The following LDHAL6A variants were observed in gnomAD, a reference collection of about 807,000 sequenced individuals.
LDHAL6A encodes L-lactate dehydrogenase A-like 6A.
In LDHAL6A, 19 loss-of-function variants were observed where a neutral mutation model predicts 28.2. That is an observed-to-expected ratio of 0.67 (90% CI 0.47 to 0.99). The LOEUF is 0.99. Ranked by LOEUF, LDHAL6A falls within the 50% of genes least tolerant of loss-of-function variation. The pLI, the probability that LDHAL6A is intolerant of heterozygous loss-of-function variation, is 0.00. For synonymous variants in LDHAL6A, 144 were observed against 134.4 expected, an observed-to-expected ratio of 1.07 and a Z score of -0.49; for missense variants, 372 against 398.6, an observed-to-expected ratio of 0.93 and a Z score of 0.57.
chr11:18,458,797 G>A (rs901307784), intron 1 of LDHAL6A, among the ~76,000 whole-genome samples: 1 of 152,144 alleles, frequency 6.6e-6, no homozygotes, highest in Non-Finnish European at 1.5e-5. Flanking sequence ...TTCTTTTAGT[G>A]TTGTATCTGG....
chr11:18,472,917 T>C (rs532040150), intron 3 of LDHAL6A, among the ~76,000 whole-genome samples: 18 of 152,318 alleles, frequency 1.2e-4, no homozygotes, highest in Middle Eastern at 3.4e-3. Context: ...TTACCTGTTT[T>C]TCCCCAAATA....
chr11:18,471,151 T>TTA (rs2038517732), intron 3 of LDHAL6A, among the ~76,000 whole-genome samples: 1 of 152,114 alleles, frequency 6.6e-6, no homozygotes, highest in South Asian at 2.1e-4. Flanking sequence ...TTAATTTATC[T>TTA]TACCTAAGTG....
intron 5 of LDHAL6A, among the ~76,000 whole-genome samples, chr11:18,477,372 T>C (rs537744270): frequency 9.1e-4 from 138 of 151,990 alleles, no homozygotes; most frequent in Middle Eastern, 6.8e-3. Flanking sequence ...GGAGGGAAGA[T>C]TGCTTAAACC....
chr11:18,464,210 T>A, intron 2 of LDHAL6A, 132 bp downstream of exon 2: 1 of 605,174 alleles, frequency 1.7e-6, no homozygotes, highest in South Asian at 2.0e-5. Context: ...TGTACTCTCA[T>A]AACGTGTTCA....
intron 3 of LDHAL6A, among the ~76,000 whole-genome samples, chr11:18,474,515 T>C (rs1359104487): frequency 6.6e-6 from 1 of 152,148 alleles, no homozygotes; most frequent in Admixed American, 6.6e-5. Flanking sequence ...GTCTCCCAAA[T>C]AGCTGGGACT....
intron 1 of LDHAL6A, among the ~76,000 whole-genome samples, chr11:18,460,590 G>A (rs1395060014): frequency 7.5e-5 from 9 of 120,778 alleles, no homozygotes; most frequent in African/African-American, 3.2e-4. Flanking sequence ...CAGAAACTCC[G>A]TCTCAAAAAA....
chr11:18,471,907 G>A (rs1302511953), intron 3 of LDHAL6A, among the ~76,000 whole-genome samples: 1 of 145,832 alleles, frequency 6.9e-6, no homozygotes. Context: ...CTATTTACAT[G>A]AACTAAATGA....
intron 1 of LDHAL6A, among the ~76,000 whole-genome samples, chr11:18,462,478 A>T (rs912147402): frequency 6.6e-6 from 1 of 151,764 alleles, no homozygotes; most frequent in African/African-American, 2.4e-5. Flanking sequence ...TCTACTAAAA[A>T]TACAAAAAAT....
intron 4 of LDHAL6A, among the ~76,000 whole-genome samples, chr11:18,475,993 T>C (rs1206666915): frequency 3.7e-5 from 1 of 26,804 alleles, no homozygotes; most frequent in African/African-American, 7.5e-5. Flanking sequence ...AAGGGATGGG[T>C]ATAACTGAAG....
At chr11:18,461,417 A>G (rs1404401795) in intron 1 of LDHAL6A, among the ~76,000 whole-genome samples, 2 of 152,120 alleles carry the variant, frequency 1.3e-5, no homozygotes, top group Non-Finnish European at 2.9e-5. Flanking sequence ...TGCTGGGATT[A>G]TAGGCGTGAG....
intron 3 of LDHAL6A, among the ~76,000 whole-genome samples, chr11:18,466,432 T>G (rs1007110773): frequency 6.6e-6 from 1 of 151,972 alleles, no homozygotes; most frequent in Non-Finnish European, 1.5e-5. Context: ...GTGGGTGAAG[T>G]GCTTGAATCC....
At chr11:18,461,729 G>A (rs1401781185) in intron 1 of LDHAL6A, among the ~76,000 whole-genome samples, 1 of 150,964 alleles carries the variant, frequency 6.6e-6, no homozygotes, top group Non-Finnish European at 1.5e-5. Context: ...GCAGGCGCCT[G>A]TAATCCCAGC....
chr11:18,461,525 A>G (rs1164870764), intron 1 of LDHAL6A, among the ~76,000 whole-genome samples: 1 of 152,182 alleles, frequency 6.6e-6, no homozygotes, highest in African/African-American at 2.4e-5. Context: ...AGATAAAAAG[A>G]ATATGTAGTT....
Position 18,456,793 on chromosome 11 carries a change from G to C in LDHAL6A, c.113G>C (p.Ser38Thr), listed in dbSNP as rs774892870. Residue 38 changes from serine to threonine, a missense_variant, in exon 1 of 7, where the codon AGC (serine) becomes ACC (threonine). Around this residue, in one of 3 missense-constraint regions of LDHAL6A, gnomAD observed 77 missense variants for 77.9 expected, o/e 0.99. Coordinates refer to ENST00000280706, the MANE Select transcript of LDHAL6A (RefSeq NM_144972.5). ...TGSVGVACAISILLKGLSDEL... is the reference protein window; with the variant it reads ...TGSVGVACAITILLKGLSDEL... ...TCGGTTGGTGTGGCTTGTGCTATCA[G>C]CATCTTATTAAAAGTAAGTTGTGTG... 6.2e-7 allele frequency: 1 copy of C among 1,612,278 alleles called. No homozygotes were observed. The highest frequency in any genetic ancestry group is 8.5e-7 in the Non-Finnish European group (1 of 1,179,600).
chr11:18,475,581 T>C lies in LDHAL6A; in HGVS notation c.534T>C (p.Leu178=). 6.2e-7 allele frequency: 1 copy of C among 1,614,190 alleles called. No individual in the cohort carries two copies. Among genetic ancestry groups the C allele is most frequent in the South Asian group, 1.1e-5 (1 of 91,082 alleles). The change falls in exon 4 of 7, where the codon CTT becomes CTC. Residue 178 remains leucine (L), a synonymous_variant. Coordinates refer to ENST00000280706, the MANE Select transcript of LDHAL6A (RefSeq NM_144972.5). Reference sequence around the variant, plus strand: ...TTCGTTACTTTATTGGGCAAAGGCTTGGCATCCACTCTGAAAGCTGTCATG... The same window carrying C: ...TTCGTTACTTTATTGGGCAAAGGCTCGGCATCCACTCTGAAAGCTGTCATG... ...ARFRYFIGQR[L]GIHSESCHGL... is the part of the protein sequence containing the mutation.
chr11:18,476,444 T>A lies in LDHAL6A; in HGVS notation c.653T>A (p.Ile218Lys), dbSNP rs202093514. ...GVPLKDLNPD[I>K]GTDKDPEQWE... ...CCTCTGAAGGATCTGAACCCAGATA[T>A]AGGAACTGATAAAGATCCTGAGCAG... Residue 218 changes from isoleucine to lysine, a missense_variant, in exon 5 of 7, where the codon ATA becomes AAA. Physicochemically the swap from Ile to Lys is moderately radical, Grantham distance 102. Transcript: ENST00000280706. 8.7e-6 allele frequency: 14 copies of A among 1,614,008 alleles called. No individual in the cohort carries two copies. The highest frequency in any genetic ancestry group is 2.2e-5 in the South Asian group (2 of 91,084).
At chr11:18,462,521 CA>C (rs1848943455) in intron 1 of LDHAL6A, among the ~76,000 whole-genome samples, 1 of 151,850 alleles carries the variant, frequency 6.6e-6, no homozygotes, top group Non-Finnish European at 1.5e-5. Flanking sequence ...CCTGTAGTCC[CA>C]GCTACTCGGG....
Position 18,463,899 on chromosome 11 carries a change from C to T in LDHAL6A, c.127-62C>T. On this transcript the variant is annotated intron_variant, in intron 1 of 6. Transcript: ENST00000280706. ...CATAGATCACCAATATAAGAATTTT[C>T]TTTCATTCTCCAGTTAATCAAGAGA... 5.8e-6 allele frequency: 6 copies of T among 1,030,532 alleles called. No homozygotes were observed. In the South Asian group the frequency reaches 7.8e-5, roughly 13 times the overall value. The allele number at this position is 1,030,532 out of a possible 1,614,324, so 63.8% of individuals were successfully genotyped here. A position where few individuals can be genotyped will look rare whatever the true frequency, so the allele number is the denominator to read the frequency against.
At chr11:18,466,259 A>G (rs751657458) in intron 3 of LDHAL6A, among the ~76,000 whole-genome samples, 15 of 146,690 alleles carry the variant, frequency 1.0e-4, no homozygotes, top group Non-Finnish European at 1.9e-4. Flanking sequence ...TGAATATTAA[A>G]TCGTAAACCA....
Sources: allele counts gnomAD v4.1 joint callset (sites outside exome capture counted in the v4.1 genomes callset), GRCh38; gene constraint gnomAD v4.1.1; regional missense constraint gnomAD v4.1.1; transcripts MANE v1.5; gene names NCBI Gene and HGNC (gene_info 2026-07-23, HGNC 2026-07-21).